Variants in ACER3 observed in about 807,000 individuals in gnomAD.
The protein encoded by ACER3 is alkCDase 3.
ACER3 carries 16 observed loss-of-function variants against 48.9 expected under a neutral mutation model. The observed-to-expected ratio is 0.33, with a 90% confidence interval of 0.22 to 0.50. The LOEUF (loss-of-function observed/expected upper bound fraction) is 0.50, where lower values mean the gene tolerates loss of function less well. ACER3 is among the 20% of genes least tolerant of loss of function. The pLI, the probability that ACER3 is intolerant of heterozygous loss-of-function variation, is 0.98. For synonymous variants in ACER3, 109 were observed against 107.8 expected, an observed-to-expected ratio of 1.01 and a Z score of -0.07; for missense variants, 227 against 326.0, an observed-to-expected ratio of 0.70 and a Z score of 2.34.
chr11:76,974,695 A>C (rs1948393747), intron 3 of ACER3, among the ~76,000 whole-genome samples: 1 of 152,206 alleles, frequency 6.6e-6, no homozygotes, highest in Admixed American at 6.5e-5. Context: ...AGAAACGTGA[A>C]GAACTGAAAG....
At chr11:77,004,644 C>G (rs1304958381) in intron 7 of ACER3, among the ~76,000 whole-genome samples, 7 of 152,070 alleles carry the variant, frequency 4.6e-5, no homozygotes, top group Non-Finnish European at 8.8e-5. Context: ...GCAGATTGGC[C>G]TTTTTGTCAT....
At chr11:76,948,645 T>C (rs1450817110) in intron 2 of ACER3, among the ~76,000 whole-genome samples, 2 of 152,214 alleles carry the variant, frequency 1.3e-5, no homozygotes. Flanking sequence ...GCCTTGACAC[T>C]TTATGGAAAC....
chr11:76,916,775 C>T (rs546984026), intron 1 of ACER3, among the ~76,000 whole-genome samples: 3 of 152,310 alleles, frequency 2.0e-5, no homozygotes, highest in African/African-American at 7.2e-5. Flanking sequence ...ATTTCACCAA[C>T]TATTTCTCTA....
intron 4 of ACER3, among the ~76,000 whole-genome samples, chr11:76,978,182 TCCCCGG>T (rs1226754470): frequency 1.3e-5 from 2 of 152,022 alleles, no homozygotes; most frequent in East Asian, 3.9e-4. Context: ...AAAGGGGCAG[TCCCCGG>T]TGAAGCTCCA....
At position 77,023,321 on chromosome 11, in the gene ACER3, G is replaced by A; in HGVS notation, c.*2994G>A. On this transcript the variant is annotated 3_prime_UTR_variant, in exon 11 of 11. Coordinates refer to ENST00000532485, the MANE Select transcript of ACER3 (RefSeq NM_018367.7). ...CCTAAGAGGGTTTTTCTTATAATAAGGAGAAGAGGTGTGGTTCAAAGAAAA... is the reference window on the plus strand; with the variant it reads ...CCTAAGAGGGTTTTTCTTATAATAAAGAGAAGAGGTGTGGTTCAAAGAAAA... 2.5e-6 allele frequency: 1 copy of A among 394,358 alleles called. No individual in the cohort carries two copies. The highest frequency in any genetic ancestry group is 4.5e-6 in the Non-Finnish European group (1 of 223,302). 24.4% of individuals were successfully genotyped at this position (394,358 alleles called of 1,614,324 possible).
intron 3 of ACER3, among the ~76,000 whole-genome samples, chr11:76,973,646 C>T (rs902354887): frequency 6.6e-6 from 1 of 152,182 alleles, no homozygotes; most frequent in Non-Finnish European, 1.5e-5. Context: ...GGCAAGCAGG[C>T]CCTTGCCAGG....
intron 2 of ACER3, among the ~76,000 whole-genome samples, chr11:76,936,698 A>G (rs73489514): frequency 0.11 from 16,377 of 149,872 alleles, 2,930 homozygotes; most frequent in African/African-American, 0.37. Flanking sequence ...CTAATATACA[A>G]TTTTTCTTTT....
At chr11:76,889,122 A>G (rs561180030) in intron 1 of ACER3, among the ~76,000 whole-genome samples, 13 of 152,118 alleles carry the variant, frequency 8.5e-5, no homozygotes, top group Non-Finnish European at 1.5e-4. Context: ...TCCATTTCCT[A>G]TCCTTGTGTG....
chr11:76,888,962 T>C (rs1201335380), intron 1 of ACER3, among the ~76,000 whole-genome samples: 2 of 152,214 alleles, frequency 1.3e-5, no homozygotes, highest in Non-Finnish European at 2.9e-5. Context: ...GAAGTAATTA[T>C]TGTTTTCTTT....
chr11:76,946,896 G>A (rs552768797), intron 2 of ACER3, among the ~76,000 whole-genome samples: 2 of 152,328 alleles, frequency 1.3e-5, no homozygotes, highest in African/African-American at 4.8e-5. Context: ...GGGTTGAGGG[G>A]TTCTCCCTAG....
intron 1 of ACER3, among the ~76,000 whole-genome samples, chr11:76,888,333 A>G (rs1342400818): frequency 1.3e-5 from 2 of 152,212 alleles, no homozygotes; most frequent in Non-Finnish European, 2.9e-5. Context: ...CTTAAAATCT[A>G]TTCTGTTTCT....
At chr11:76,968,227 A>G (rs1415880100) in intron 3 of ACER3, among the ~76,000 whole-genome samples, 2 of 150,564 alleles carry the variant, frequency 1.3e-5, no homozygotes, top group South Asian at 2.1e-4. Flanking sequence ...TAGGAATCCA[A>G]CTTACAAGGG....
intron 2 of ACER3, among the ~76,000 whole-genome samples, chr11:76,929,381 C>T (rs373694056): frequency 3.3e-5 from 5 of 152,208 alleles, no homozygotes; most frequent in South Asian, 2.1e-4. Flanking sequence ...TGGGGTTTTC[C>T]AGATATACAA....
chr11:76,977,405 G>A (rs1432493586), intron 4 of ACER3, among the ~76,000 whole-genome samples: 1 of 152,188 alleles, frequency 6.6e-6, no homozygotes, highest in African/African-American at 2.4e-5. Flanking sequence ...GGTGGGTGAG[G>A]TTAGCTATAG....
At chr11:76,955,884 A>G (rs1382845878) in intron 2 of ACER3, among the ~76,000 whole-genome samples, 2 of 152,210 alleles carry the variant, frequency 1.3e-5, no homozygotes, top group African/African-American at 4.8e-5. Flanking sequence ...TGAATCACTG[A>G]TGCATGTGAT....
chr11:77,003,754 T>C lies in ACER3; in HGVS notation c.497+4933T>C, dbSNP rs1591057036. Among the ~76,000 whole-genome samples the C allele has an allele frequency of 2.6e-5, 4 of 152,342 alleles. No homozygotes were observed. In the South Asian group the frequency reaches 8.3e-4, roughly 32 times the overall value. On this transcript the variant is annotated intron_variant, in intron 7 of 10. Coordinates refer to ENST00000532485, the MANE Select transcript of ACER3 (RefSeq NM_018367.7). ...TTTTATATGTTGTATTTCATTTTTA[T>C]TCAGTTCAATGTACTTTTTAAAATT...
chr11:76,908,000 C>A (rs1364563216), intron 1 of ACER3, among the ~76,000 whole-genome samples: 2 of 152,176 alleles, frequency 1.3e-5, no homozygotes, highest in African/African-American at 4.8e-5. Context: ...CCCTGGGAGG[C>A]CAAGGCAAGT....
intron 4 of ACER3, among the ~76,000 whole-genome samples, chr11:76,977,533 G>A (rs1207856722): frequency 1.3e-5 from 2 of 152,196 alleles, no homozygotes; most frequent in East Asian, 3.8e-4. Context: ...TCTAAATGTT[G>A]GACAAGTATG....
intron 4 of ACER3, among the ~76,000 whole-genome samples, chr11:76,980,768 C>A (rs946524022): frequency 2.8e-4 from 43 of 152,144 alleles, no homozygotes; most frequent in African/African-American, 1.0e-3. Context: ...CAATTTTCAG[C>A]TCTGATATTT....
Sources: allele counts gnomAD v4.1 joint callset (sites outside exome capture counted in the v4.1 genomes callset), GRCh38; gene constraint gnomAD v4.1.1; transcripts MANE v1.5; gene names NCBI Gene and HGNC (gene_info 2026-07-23, HGNC 2026-07-21).